EPCIP: variants seen among roughly 807,000 people sequenced by gnomAD.
The protein encoded by EPCIP is exosomal polycystin 1 interacting protein.
chr21:32,805,675 T>G, the EPCIP span, among the ~76,000 whole-genome samples: 1 of 152,138 alleles, frequency 6.6e-6, no homozygotes, highest in Non-Finnish European at 1.5e-5. Flanking sequence ...TTGTAGAAAT[T>G]TTTTATAGCA....
At chr21:32,797,029 T>A in the EPCIP span, 1 of 470,970 alleles carries the variant, frequency 2.1e-6, no homozygotes, top group African/African-American at 2.0e-5. Context: ...GACAAGAAGT[T>A]CCCAGAAGAA....
At chr21:32,793,427 G>A in the EPCIP span, 19 of 426,288 alleles carry the variant, frequency 4.5e-5, no homozygotes, top group Non-Finnish European at 7.2e-5. Flanking sequence ...CAGTCTCTAG[G>A]GTGTATTGCT....
the EPCIP span, among the ~76,000 whole-genome samples, chr21:32,804,748 C>T: frequency 6.6e-6 from 1 of 152,138 alleles, no homozygotes; most frequent in Non-Finnish European, 1.5e-5. Flanking sequence ...GATTTACAAA[C>T]GTCCTCCTGT....
chr21:32,803,794 A>G, the EPCIP span, among the ~76,000 whole-genome samples: 2 of 152,164 alleles, frequency 1.3e-5, no homozygotes, highest in Non-Finnish European at 2.9e-5. Flanking sequence ...ACAACAGCAC[A>G]TCCTCATCCT....
chr21:32,808,283 G>C, the EPCIP span, among the ~76,000 whole-genome samples: 1 of 150,324 alleles, frequency 6.7e-6, no homozygotes, highest in Non-Finnish European at 1.5e-5. Context: ...TAATCCCTTT[G>C]CTAGGAGATG....
At chr21:32,793,747 G>A in the EPCIP span, 2 of 1,612,694 alleles carry the variant, frequency 1.2e-6, no homozygotes, top group Non-Finnish European at 1.7e-6. Flanking sequence ...CAGGCAGCTG[G>A]ACACAGTTAT....
chr21:32,810,626 G>A, the EPCIP span: 15 of 471,300 alleles, frequency 3.2e-5, no homozygotes, highest in Admixed American at 7.1e-5. Flanking sequence ...CTGTATGTGC[G>A]TCCACTCTCT....
chr21:32,807,204 C>A, the EPCIP span, among the ~76,000 whole-genome samples: 1 of 152,088 alleles, frequency 6.6e-6, no homozygotes, highest in Non-Finnish European at 1.5e-5. Flanking sequence ...TTGCTGATTG[C>A]GGTTTCCCCA....
At chr21:32,802,991 C>T in the EPCIP span, among the ~76,000 whole-genome samples, 8 of 152,160 alleles carry the variant, frequency 5.3e-5, no homozygotes, top group African/African-American at 9.7e-5. Context: ...CTGACAGCCA[C>T]GAGAAAAACA....
the EPCIP span, among the ~76,000 whole-genome samples, chr21:32,812,797 C>G: frequency 6.6e-6 from 1 of 152,226 alleles, no homozygotes; most frequent in South Asian, 2.1e-4. Flanking sequence ...TTGCTAAAAG[C>G]TTTCCAAAAA....
At chr21:32,812,978 T>C in the EPCIP span, among the ~76,000 whole-genome samples, 11,228 of 152,278 alleles carry the variant, frequency 0.074, 581 homozygotes, top group Non-Finnish European at 0.11. Flanking sequence ...CAAATGTTAA[T>C]GCTCATCTTA....
At chr21:32,802,432 T>C in the EPCIP span, among the ~76,000 whole-genome samples, 2 of 152,194 alleles carry the variant, frequency 1.3e-5, no homozygotes, top group Non-Finnish European at 2.9e-5. Context: ...ATGGTAAAGG[T>C]CTGAAGCAGG....
At chr21:32,792,915 ATT>A in the EPCIP span, among the ~76,000 whole-genome samples, 6 of 69,812 alleles carry the variant, frequency 8.6e-5, no homozygotes, top group African/African-American at 2.3e-4. Context: ...TATTATTATT[ATT>A]TTTTTTTTTT....
the EPCIP span, chr21:32,810,594 C>T: frequency 4.2e-6 from 2 of 471,158 alleles, no homozygotes; most frequent in Non-Finnish European, 8.8e-6. Context: ...TGCATGTCCC[C>T]AGCTCAGTGC....
the EPCIP span, chr21:32,793,435 G>T: frequency 2.2e-6 from 1 of 450,600 alleles, no homozygotes; most frequent in East Asian, 4.1e-5. Flanking sequence ...AGGGTGTATT[G>T]CTTTCTCCAT....
chr21:32,812,000 C>T, the EPCIP span, among the ~76,000 whole-genome samples: 2 of 152,206 alleles, frequency 1.3e-5, no homozygotes, highest in African/African-American at 4.8e-5. Context: ...TTGGAATTCC[C>T]AGTCTCCAGA....
the EPCIP span, chr21:32,794,193 T>G: frequency 1.2e-6 from 2 of 1,614,250 alleles, no homozygotes; most frequent in Non-Finnish European, 8.5e-7. Context: ...AGATGGCCAT[T>G]GTAGCTGGTT....
the EPCIP span, among the ~76,000 whole-genome samples, chr21:32,800,834 A>C: frequency 2.0e-5 from 3 of 152,126 alleles, no homozygotes; most frequent in African/African-American, 7.2e-5. Context: ...AAAAAAAAAA[A>C]AAACATGCAC....
the EPCIP span, among the ~76,000 whole-genome samples, chr21:32,805,849 C>G: frequency 6.6e-6 from 1 of 152,104 alleles, no homozygotes; most frequent in African/African-American, 2.4e-5. Flanking sequence ...AACTAGTCTC[C>G]TGAAATACCG....
Sources: allele counts gnomAD v4.1 joint callset (sites outside exome capture counted in the v4.1 genomes callset), GRCh38; gene constraint gnomAD v4.1.1; transcripts MANE v1.5; gene names NCBI Gene and HGNC (gene_info 2026-07-23, HGNC 2026-07-21).